VTI1A: variants seen among roughly 807,000 people sequenced by gnomAD.
VTI1A encodes the protein vesicle transport through interaction with t-SNAREs 1A, also known as vesicle transport through interaction with t-SNAREs homolog 1A.
In VTI1A, 22 loss-of-function variants were observed where a neutral mutation model predicts 34.9. The observed-to-expected ratio is 0.63, with a 90% CI of 0.45 to 0.90. The LOEUF is 0.90. VTI1A is among the 40% of genes least tolerant of loss of function. The pLI is 0.00. For missense variants in VTI1A, 268 were observed against 275.6 expected (o/e 0.97, Z 0.20); for synonymous variants, 87 against 97.3 (o/e 0.89, Z 0.62).
chr10:112,654,053 A>C (rs1254948424), intron 5 of VTI1A, among the ~76,000 whole-genome samples: 1 of 152,190 alleles, frequency 6.6e-6, no homozygotes, highest in Non-Finnish European at 1.5e-5. Context: ...TGTATTCTGT[A>C]TTTTAGAAAC....
At chr10:112,590,273 A>T (rs906492604) in intron 5 of VTI1A, among the ~76,000 whole-genome samples, 4 of 152,226 alleles carry the variant, frequency 2.6e-5, no homozygotes, top group African/African-American at 9.7e-5. Flanking sequence ...GTTATAAAGA[A>T]GAAAGTGGAG....
chr10:112,610,727 T>C (rs1452134189), intron 5 of VTI1A, among the ~76,000 whole-genome samples: 1 of 151,750 alleles, frequency 6.6e-6, no homozygotes, highest in Admixed American at 6.6e-5. Context: ...CCATCCTGGC[T>C]AACATGGTGA....
At chr10:112,811,269 A>G (rs1016564449) in intron 7 of VTI1A, among the ~76,000 whole-genome samples, 4 of 152,144 alleles carry the variant, frequency 2.6e-5, no homozygotes, top group African/African-American at 7.2e-5. Context: ...TCCCTCCCCA[A>G]ATCAAAACCG....
intron 5 of VTI1A, among the ~76,000 whole-genome samples, chr10:112,646,574 A>C (rs573469211): frequency 4.0e-5 from 6 of 151,708 alleles, no homozygotes; most frequent in Admixed American, 3.9e-4. Flanking sequence ...CCCAAGCTGC[A>C]ATCTTGGCTG....
intron 7 of VTI1A, among the ~76,000 whole-genome samples, chr10:112,669,398 T>C (rs998928010): frequency 2.0e-5 from 3 of 152,210 alleles, no homozygotes; most frequent in Admixed American, 2.0e-4. Context: ...CTCTGTTGCC[T>C]TGTTTTCATT....
At chr10:112,649,799 A>G (rs1003490791) in intron 5 of VTI1A, among the ~76,000 whole-genome samples, 8 of 152,298 alleles carry the variant, frequency 5.3e-5, no homozygotes, top group African/African-American at 1.9e-4. Flanking sequence ...ACTGTACTGA[A>G]TACTATAGGC....
At position 112,447,501 on chromosome 10, in the gene VTI1A, G is replaced by C. The variant is rs748676863; in HGVS notation, c.94+34G>C. The C allele has an allele frequency of 2.2e-5, 35 of 1,606,216 alleles. No individual in the cohort carries two copies. In the East Asian group the frequency reaches 7.0e-4, roughly 32 times the overall value. On this transcript the variant is annotated intron_variant, in intron 1 of 7. Coordinates refer to ENST00000393077, the MANE Select transcript of VTI1A (RefSeq NM_145206.4). ...CTTGCCCGGCTGGACGAGGGTGCTG[G>C]GGAGAGCTGGGAGGGTGCGGGCGGT...
At chr10:112,450,551 C>A (rs1422444779) in intron 1 of VTI1A, 1 of 152,128 alleles carries the variant, frequency 6.6e-6, no homozygotes, top group African/African-American at 2.4e-5. Flanking sequence ...TACTTAAATT[C>A]AAGTAGAGTG....
intron 5 of VTI1A, among the ~76,000 whole-genome samples, chr10:112,578,479 T>C (rs1843796690): frequency 6.6e-6 from 1 of 152,174 alleles, no homozygotes; most frequent in South Asian, 2.1e-4. Flanking sequence ...ATTAACAAAG[T>C]GCCCAAGTGT....
chr10:112,805,745 A>G (rs892249769), intron 7 of VTI1A, among the ~76,000 whole-genome samples: 21 of 152,156 alleles, frequency 1.4e-4, no homozygotes, highest in African/African-American at 4.6e-4. Context: ...TCTACAAGCT[A>G]AGGGACCCCA....
chr10:112,547,652 AC>A (rs574286318), intron 5 of VTI1A, among the ~76,000 whole-genome samples: 43 of 152,132 alleles, frequency 2.8e-4, no homozygotes, highest in Non-Finnish European at 5.6e-4. Context: ...ACTTCCACTG[AC>A]CTGTTTTACA....
At chr10:112,712,346 T>C (rs1849448432) in intron 7 of VTI1A, among the ~76,000 whole-genome samples, 1 of 152,156 alleles carries the variant, frequency 6.6e-6, no homozygotes, top group Non-Finnish European at 1.5e-5. Flanking sequence ...TGTGGAGGTA[T>C]GAAAAGCAAA....
At chr10:112,463,113 C>T (rs1269246032) in intron 2 of VTI1A, among the ~76,000 whole-genome samples, 3 of 152,018 alleles carry the variant, frequency 2.0e-5, no homozygotes, top group Non-Finnish European at 4.4e-5. Context: ...TTAGTAGAGA[C>T]GGGATTTCAC....
intron 3 of VTI1A, among the ~76,000 whole-genome samples, chr10:112,522,406 C>G (rs533427630): frequency 1.3e-5 from 2 of 152,170 alleles, no homozygotes; most frequent in South Asian, 4.1e-4. Context: ...TTACCAAAAC[C>G]ATACTGCACT....
chr10:112,776,187 G>C (rs1291386441), intron 7 of VTI1A, among the ~76,000 whole-genome samples: 1 of 152,200 alleles, frequency 6.6e-6, no homozygotes, highest in Non-Finnish European at 1.5e-5. Context: ...TTTTACAGCA[G>C]CCGAGGGTAA....
chr10:112,453,916 G>A (rs1159810094), intron 1 of VTI1A, among the ~76,000 whole-genome samples: 1 of 152,182 alleles, frequency 6.6e-6, no homozygotes, highest in African/African-American at 2.4e-5. Context: ...ACTAAGCCAT[G>A]TATATGAACA....
chr10:112,576,952 G>C (rs1208159734), intron 5 of VTI1A, among the ~76,000 whole-genome samples: 2 of 151,942 alleles, frequency 1.3e-5, no homozygotes, highest in African/African-American at 4.8e-5. Context: ...TACTCTTGTT[G>C]TTTTAAAAAA....
intron 7 of VTI1A, among the ~76,000 whole-genome samples, chr10:112,729,750 T>C (rs1050831870): frequency 1.3e-5 from 2 of 152,138 alleles, no homozygotes; most frequent in African/African-American, 2.4e-5. Context: ...TGAAATACAG[T>C]CAGGTGGGCA....
chr10:112,504,936 T>C (rs921416683), intron 3 of VTI1A, among the ~76,000 whole-genome samples: 7 of 152,068 alleles, frequency 4.6e-5, no homozygotes, highest in East Asian at 1.9e-4. Context: ...TGCTAGTTTT[T>C]TTGGTGGGGG....
Sources: gnomAD v4.1 joint callset for allele counts (sites outside exome capture counted in the v4.1 genomes callset) on GRCh38, gnomAD v4.1.1 for gene constraint, MANE v1.5 for transcripts, NCBI Gene and HGNC (gene_info 2026-07-23, HGNC 2026-07-21) for gene names.